The following CCDC88A variants were observed in gnomAD, a reference collection of about 807,000 sequenced individuals.
The protein encoded by CCDC88A is coiled-coil and HOOK domain protein 88A, also known as girdin.
CCDC88A carries 54 observed loss-of-function variants against 234.3 expected under a neutral mutation model. The observed-to-expected ratio is 0.23, with a 90% CI of 0.19 to 0.29. CCDC88A has a LOEUF of 0.29. Among genes scored for constraint, CCDC88A ranks in the 10% least tolerant of loss-of-function variants. CCDC88A has a pLI of 1.00. For synonymous variants in CCDC88A, 753 were observed against 737.8 expected (o/e 1.02, Z -0.33); for missense variants, 1,832 against 2,123.4 (o/e 0.86, Z 2.70).
chr2:55,348,194 G>A (rs1475878174), intron 9 of CCDC88A, among the ~76,000 whole-genome samples: 1 of 152,048 alleles, frequency 6.6e-6, no homozygotes, highest in Non-Finnish European at 1.5e-5. Flanking sequence ...TTAACTCCTG[G>A]GCTCAAGCAA....
intron 23 of CCDC88A, among the ~76,000 whole-genome samples, chr2:55,311,200 G>C (rs963253656): frequency 6.6e-6 from 1 of 152,150 alleles, no homozygotes. Flanking sequence ...GCCTTCTTTT[G>C]AAAGCAAGTA....
intron 22 of CCDC88A, chr2:55,313,401 T>C (rs560539204): frequency 1.3e-5 from 2 of 152,354 alleles, no homozygotes; most frequent in East Asian, 3.9e-4. Context: ...CTTAAAAGTC[T>C]GTGTATAGTT....
At chr2:55,408,082 A>G (rs1257956243) in intron 2 of CCDC88A, among the ~76,000 whole-genome samples, 3 of 152,084 alleles carry the variant, frequency 2.0e-5, no homozygotes, top group Non-Finnish European at 4.4e-5. Flanking sequence ...TCATAGTTTC[A>G]TTAAAAAAAT....
At chr2:55,379,749 A>C (rs1674275989) in intron 3 of CCDC88A, among the ~76,000 whole-genome samples, 1 of 152,018 alleles carries the variant, frequency 6.6e-6, no homozygotes, top group Non-Finnish European at 1.5e-5. Flanking sequence ...CCTTGTCTCT[A>C]CTAAAAATAG....
At chr2:55,316,714 A>G (rs1450789438) in intron 21 of CCDC88A, among the ~76,000 whole-genome samples, 1 of 152,150 alleles carries the variant, frequency 6.6e-6, no homozygotes, top group Non-Finnish European at 1.5e-5. Flanking sequence ...CAGCTTGGGC[A>G]AAAGAGTAAG....
rs1680940659 is a variant in CCDC88A, at chr2:55,301,884, C to G, written c.4660G>C (p.Val1554Leu). The G allele has an allele frequency of 6.2e-7, 1 of 1,614,000 alleles. No individual in the cohort carries two copies. The highest frequency in any genetic ancestry group is 8.5e-7 in the Non-Finnish European group (1 of 1,179,996). ...AGACAGCCTATACCTTTATTATTAA[C>G]CAACTGCTTGGATCTGAAGCCTGCA... ...SSAGFRSKQL[V>L]NNKDTTSFED... The change falls in exon 27 of 33, where the codon GTT becomes CTT. Residue 1554 changes from valine (V) to leucine (L), a missense_variant. This residue lies in a region of CCDC88A where 422 missense variants were observed against 416.5 expected (regional missense o/e 1.01). Coordinates refer to ENST00000436346, the MANE Select transcript of CCDC88A (RefSeq NM_001365480.1).
chr2:55,321,100 C>A (rs1312216964), intron 18 of CCDC88A: 1 of 139,078 alleles, frequency 7.2e-6, no homozygotes, highest in Admixed American at 7.4e-5. Flanking sequence ...ATGAGTGAGA[C>A]CCTGTCTCAG....
intron 3 of CCDC88A, among the ~76,000 whole-genome samples, chr2:55,382,769 A>G (rs1012066400): frequency 6.6e-6 from 1 of 152,198 alleles, no homozygotes; most frequent in African/African-American, 2.4e-5. Flanking sequence ...ATAATGAAGT[A>G]TATCTTTGAT....
At chr2:55,378,160 C>T (rs1326512333) in intron 3 of CCDC88A, among the ~76,000 whole-genome samples, 1 of 152,146 alleles carries the variant, frequency 6.6e-6, no homozygotes, top group Non-Finnish European at 1.5e-5. Flanking sequence ...TACCTCTTTC[C>T]TCCACCTTCT....
At chr2:55,345,385 C>A (rs1380079785) in intron 10 of CCDC88A, 1 of 152,068 alleles carries the variant, frequency 6.6e-6, no homozygotes, top group African/African-American at 2.4e-5. Flanking sequence ...AAAGAAGATA[C>A]AAGACCTGCC....
chr2:55,373,746 T>TA (rs150802281), intron 4 of CCDC88A, among the ~76,000 whole-genome samples: 9,359 of 152,210 alleles, frequency 0.061, 919 homozygotes, highest in African/African-American at 0.2. Context: ...ATGGTATCTC[T>TA]AAAAACTAAG....
At chr2:55,410,552 A>G (rs1680299175) in intron 2 of CCDC88A, among the ~76,000 whole-genome samples, 3 of 152,248 alleles carry the variant, frequency 2.0e-5, no homozygotes, top group Non-Finnish European at 1.5e-5. Flanking sequence ...CCTCTCACTC[A>G]GAGTGAAGTT....
In CCDC88A at chr2:55,401,499, CAT is replaced by C. The variant is rs70954117; in HGVS notation, c.165-12615_165-12614del. ...GTGTGTATGTATGTGTGTGTGTATA[CAT>C]ATATATATATATATATATATATATA... On this transcript the variant is annotated intron_variant, in intron 2 of 32. Transcript: ENST00000436346. Among the ~76,000 whole-genome samples, 488 of 54,572 alleles carry C rather than the reference CAT, an allele frequency of 8.9e-3. 18 individuals are homozygous for C. The highest frequency in any genetic ancestry group is 0.015 in the Non-Finnish European group (381 of 24,758). 35.8% of individuals were successfully genotyped at this position (54,572 alleles called of 152,430 possible).
intron 2 of CCDC88A, among the ~76,000 whole-genome samples, chr2:55,397,100 A>T (rs533938896): frequency 2.3e-4 from 35 of 151,490 alleles, no homozygotes; most frequent in Non-Finnish European, 3.1e-4. Flanking sequence ...AGAAAAAAAA[A>T]TTTTTTTTGA....
At chr2:55,407,015 C>A (rs1020023441) in intron 2 of CCDC88A, among the ~76,000 whole-genome samples, 9 of 152,012 alleles carry the variant, frequency 5.9e-5, no homozygotes, top group Non-Finnish European at 2.9e-5. Flanking sequence ...GAGTTCAAGA[C>A]CAGCCTGGGA....
chr2:55,296,528 T>C lies in CCDC88A; in HGVS notation c.4826-5A>G. Reference sequence around the variant, plus strand: ...TTTGGTTATTAACTGCACCTGCTTTTGGAGTAAATGGGGTGTTGAGATTTC... The same window carrying C: ...TTTGGTTATTAACTGCACCTGCTTTCGGAGTAAATGGGGTGTTGAGATTTC... On this transcript the variant is annotated splice_region_variant and splice_polypyrimidine_tract_variant and intron_variant, in intron 29 of 32. Transcript: ENST00000436346. The C allele has an allele frequency of 1.2e-6, 2 of 1,612,472 alleles. No homozygotes were observed. The highest frequency in any genetic ancestry group is 1.7e-6 in the Non-Finnish European group (2 of 1,179,252).
chr2:55,355,763 C>T lies in CCDC88A; in HGVS notation c.628-12G>A, dbSNP rs1574257545. On this transcript the variant is annotated splice_polypyrimidine_tract_variant and intron_variant, in intron 7 of 32. Transcript: ENST00000436346. ...AGTTCTATGATAGTCTAGAAATACA[C>T]ACAGAATCACTTTCAGTATTCTACA... 1 of 1,599,732 alleles carries T rather than the reference C, an allele frequency of 6.3e-7. No individual in the cohort carries two copies. The highest frequency in any genetic ancestry group is 1.7e-5 in the Admixed American group (1 of 59,512).
intron 29 of CCDC88A, among the ~76,000 whole-genome samples, chr2:55,298,716 C>CA (rs961779603): frequency 1.3e-5 from 2 of 151,384 alleles, no homozygotes; most frequent in Admixed American, 6.6e-5. Context: ...AACAAAAATA[C>CA]AAAAAAACTA....
chr2:55,308,011 C>A (rs1681848932), intron 25 of CCDC88A: 1 of 117,010 alleles, frequency 8.5e-6, no homozygotes, highest in African/African-American at 3.3e-5. Context: ...GAGTTTCACT[C>A]TTGTTGCCCA....
Sources: allele counts gnomAD v4.1 joint callset (sites outside exome capture counted in the v4.1 genomes callset), GRCh38; gene constraint gnomAD v4.1.1; regional missense constraint gnomAD v4.1.1; transcripts MANE v1.5; gene names NCBI Gene and HGNC (gene_info 2026-07-23, HGNC 2026-07-21).